RANBP2: variants seen among roughly 807,000 people sequenced by gnomAD.
RANBP2 encodes the protein E3 SUMO-protein ligase RanBP2.
In RANBP2, 57 loss-of-function variants were observed where a neutral mutation model predicts 303.6. The observed-to-expected ratio is 0.19, with a 90% CI of 0.15 to 0.23. The LOEUF (loss-of-function observed/expected upper bound fraction) is 0.23. Among genes scored for constraint, RANBP2 ranks in the 10% least tolerant of loss-of-function variants. The pLI, the probability that RANBP2 is intolerant of heterozygous loss-of-function variation, is 1.00. For synonymous variants in RANBP2, 1,167 were observed against 1,301.5 expected (o/e 0.90, Z 2.23); for missense variants, 3,138 against 3,780.8 (o/e 0.83, Z 4.46).
At chr2:109,688,868 A>G in the RANBP2 span, among the ~76,000 whole-genome samples, 22 of 142,662 alleles carry the variant, frequency 1.5e-4, no homozygotes, top group Non-Finnish European at 2.7e-4. Context: ...TTCCTGGCCT[A>G]CATTTATTTT....
chr2:109,070,846 C>G, the RANBP2 span, among the ~76,000 whole-genome samples: 1 of 129,190 alleles, frequency 7.7e-6, no homozygotes, highest in Admixed American at 8.4e-5. Flanking sequence ...GGCAACAAAG[C>G]CAGACCCTAT....
the RANBP2 span, among the ~76,000 whole-genome samples, chr2:109,206,610 C>T: frequency 1.7e-4 from 26 of 151,182 alleles, no homozygotes; most frequent in South Asian, 5.2e-3. Flanking sequence ...GAGTTCAAGA[C>T]CAGCCTGGGA....
the RANBP2 span, among the ~76,000 whole-genome samples, chr2:108,841,267 A>T: frequency 6.6e-6 from 1 of 152,178 alleles, no homozygotes; most frequent in Admixed American, 6.5e-5. Flanking sequence ...ATAAATGTCA[A>T]TTTGATCCTG....
chr2:109,117,784 C>T, the RANBP2 span, among the ~76,000 whole-genome samples: 1 of 151,744 alleles, frequency 6.6e-6, no homozygotes, highest in Non-Finnish European at 1.5e-5. Context: ...TTGGCTGCTT[C>T]CACCCAGCAT....
intron 1 of RANBP2, among the ~76,000 whole-genome samples, chr2:108,721,374 T>C (rs544897971): frequency 6.6e-6 from 1 of 152,324 alleles, no homozygotes; most frequent in South Asian, 2.1e-4. Flanking sequence ...ATGAATGTGA[T>C]GATAGAGTCT....
chr2:109,450,325 A>G, the RANBP2 span, among the ~76,000 whole-genome samples: 2 of 151,462 alleles, frequency 1.3e-5, no homozygotes, highest in Non-Finnish European at 2.9e-5. Context: ...CAGCCTGGGC[A>G]ACAGAGCAAG....
the RANBP2 span, among the ~76,000 whole-genome samples, chr2:109,147,629 C>A: frequency 6.6e-6 from 1 of 152,188 alleles, no homozygotes; most frequent in African/African-American, 2.4e-5. Flanking sequence ...TATCGATTCC[C>A]AGTTCTCTTG....
At chr2:109,453,596 T>C in the RANBP2 span, among the ~76,000 whole-genome samples, 1 of 152,134 alleles carries the variant, frequency 6.6e-6, no homozygotes, top group Non-Finnish European at 1.5e-5. Flanking sequence ...CTCACTCTCT[T>C]ACTTGTGCCC....
the RANBP2 span, among the ~76,000 whole-genome samples, chr2:109,433,022 T>C: frequency 6.6e-6 from 1 of 152,386 alleles, no homozygotes; most frequent in East Asian, 1.9e-4. Context: ...GCGTGTATGC[T>C]ATGCGTGTGC....
At chr2:109,111,902 G>A in the RANBP2 span, among the ~76,000 whole-genome samples, 82 of 151,568 alleles carry the variant, frequency 5.4e-4, no homozygotes, top group African/African-American at 1.8e-3. Context: ...TTGTCCTTGC[G>A]ATAGTTTACT....
At chr2:109,591,138 C>T in the RANBP2 span, among the ~76,000 whole-genome samples, 3 of 152,208 alleles carry the variant, frequency 2.0e-5, no homozygotes, top group South Asian at 6.2e-4. Context: ...AGCATGTTAT[C>T]TTCATATTTT....
chr2:109,400,351 C>G, the RANBP2 span, among the ~76,000 whole-genome samples: 1 of 151,978 alleles, frequency 6.6e-6, no homozygotes, highest in African/African-American at 2.4e-5. Flanking sequence ...TGTGCACTTA[C>G]ATACACCGCC....
chr2:108,817,718 TCC>T, the RANBP2 span, among the ~76,000 whole-genome samples: 1 of 152,160 alleles, frequency 6.6e-6, no homozygotes, highest in African/African-American at 2.4e-5. Flanking sequence ...AAATGGATCC[TCC>T]CTTAGCCTCC....
At chr2:109,136,617 C>G in the RANBP2 span, among the ~76,000 whole-genome samples, 1 of 152,184 alleles carries the variant, frequency 6.6e-6, no homozygotes, top group Non-Finnish European at 1.5e-5. Context: ...TGCAGCTCTC[C>G]TTTGGGAGAC....
chr2:109,594,224 T>C, the RANBP2 span, among the ~76,000 whole-genome samples: 30 of 152,098 alleles, frequency 2.0e-4, no homozygotes, highest in African/African-American at 5.8e-4. Flanking sequence ...CACAAGATAA[T>C]GAGGAAATGT....
the RANBP2 span, among the ~76,000 whole-genome samples, chr2:109,254,824 C>T: frequency 6.6e-6 from 1 of 152,148 alleles, no homozygotes; most frequent in Admixed American, 6.5e-5. Context: ...AGGCTGGAGG[C>T]ACTGCCTCGC....
At chr2:109,412,335 C>G in the RANBP2 span, among the ~76,000 whole-genome samples, 2 of 152,336 alleles carry the variant, frequency 1.3e-5, no homozygotes, top group Middle Eastern at 3.4e-3. Context: ...AGTGCCGGGG[C>G]AGGCTTCAGG....
chr2:109,212,941 A>T, the RANBP2 span, among the ~76,000 whole-genome samples: 1 of 152,182 alleles, frequency 6.6e-6, no homozygotes, highest in Non-Finnish European at 1.5e-5. Flanking sequence ...ATTGGAATAT[A>T]GTGGATGATG....
the RANBP2 span, among the ~76,000 whole-genome samples, chr2:109,337,885 G>A: frequency 5.3e-5 from 8 of 151,732 alleles, no homozygotes; most frequent in East Asian, 1.2e-3. Context: ...GCACCACCAC[G>A]CCTGGCTAAT....
Sources: gnomAD v4.1 joint callset for allele counts (sites outside exome capture counted in the v4.1 genomes callset) on GRCh38, gnomAD v4.1.1 for gene constraint, MANE v1.5 for transcripts, NCBI Gene and HGNC (gene_info 2026-07-23, HGNC 2026-07-21) for gene names.